The following LPXN variants were observed in gnomAD, a reference collection of about 807,000 sequenced individuals.
LPXN encodes leupaxin.
Under a neutral mutation model 45.6 loss-of-function variants are expected in LPXN, and 28 were observed. The observed-to-expected ratio is 0.61, with a 90% CI of 0.45 to 0.84. The LOEUF is 0.84. Among genes scored for constraint, LPXN ranks in the 40% least tolerant of loss-of-function variants. The pLI is 0.00. For missense variants in LPXN, 459 were observed against 475.0 expected (o/e 0.97, Z 0.31); for synonymous variants, 166 against 169.9 (o/e 0.98, Z 0.18).
Position 58,530,691 on chromosome 11 carries a change from T to C in LPXN, c.743-2500A>G, listed in dbSNP as rs192550053. Among the ~76,000 whole-genome samples the C allele has an allele frequency of 4.8e-3, 738 of 152,244 alleles. 26 individuals carry two copies. The highest frequency in any genetic ancestry group is 1.0e-3 in the Non-Finnish European group (68 of 68,010). ...GAGCAGTGGATCTCCCAGCACAGGG[T>C]TCGAGCTCTGCTAAGGGTCAGACTG... On this transcript the variant is annotated intron_variant, in intron 7 of 8. Coordinates refer to ENST00000395074, the MANE Select transcript of LPXN (RefSeq NM_004811.3).
At chr11:58,540,089 G>A (rs925420642) in intron 7 of LPXN, among the ~76,000 whole-genome samples, 2 of 151,962 alleles carry the variant, frequency 1.3e-5, no homozygotes, top group East Asian at 1.9e-4. Flanking sequence ...CCAGACCCCC[G>A]AAAACTGAAC....
At chr11:58,543,263 G>T (rs1853783206) in intron 7 of LPXN, among the ~76,000 whole-genome samples, 1 of 152,078 alleles carries the variant, frequency 6.6e-6, no homozygotes, top group Admixed American at 6.6e-5. Context: ...TATAGTAGTT[G>T]CTCAATAAAT....
chr11:58,575,880 T>G, upstream of LPXN: 1 of 1,598,762 alleles, frequency 6.3e-7, no homozygotes, highest in Non-Finnish European at 8.5e-7. Context: ...TAAGGCAGCC[T>G]CTATAAACCT....
intron 3 of LPXN, among the ~76,000 whole-genome samples, chr11:58,558,462 A>G (rs1253142144): frequency 6.9e-6 from 1 of 145,060 alleles, no homozygotes; most frequent in Non-Finnish European, 1.5e-5. Context: ...ACTTTGGCCC[A>G]GGAGGCCAAG....
intron 1 of LPXN, 70 bp downstream of exon 1, chr11:58,575,690 C>A: frequency 1.3e-6 from 2 of 1,552,354 alleles, no homozygotes; most frequent in East Asian, 2.2e-5. Flanking sequence ...CAGAAGTATA[C>A]CCCACCACAC....
intron 3 of LPXN, among the ~76,000 whole-genome samples, chr11:58,558,997 G>A (rs1420586418): frequency 6.6e-6 from 1 of 151,594 alleles, no homozygotes; most frequent in Non-Finnish European, 1.5e-5. Context: ...TTAAAGAAAT[G>A]TATAAATAAT....
rs1160511909 is a variant in LPXN, at chr11:58,573,656, C to T, written c.13+2104G>A. Among the ~76,000 whole-genome samples the T allele has an allele frequency of 2.0e-5, 3 of 151,972 alleles. No homozygotes were observed. In the East Asian group the frequency reaches 5.8e-4, roughly 29 times the overall value. On this transcript the variant is annotated intron_variant, in intron 1 of 8. Coordinates refer to ENST00000395074, the MANE Select transcript of LPXN (RefSeq NM_004811.3). Reference sequence around the variant, plus strand: ...CACCAACACTGTGAGGTTATTATGCCTTTTGCCAGATTTTGTAATTTGAAG... The same window carrying T: ...CACCAACACTGTGAGGTTATTATGCTTTTTGCCAGATTTTGTAATTTGAAG...
chr11:58,543,686 T>C (rs1191500897), intron 7 of LPXN, among the ~76,000 whole-genome samples: 1 of 151,442 alleles, frequency 6.6e-6, no homozygotes, highest in Non-Finnish European at 1.5e-5. Flanking sequence ...TTCAATGTTA[T>C]ACCTCTAACT....
chr11:58,572,706 TAC>T (rs1235512044), intron 1 of LPXN, among the ~76,000 whole-genome samples: 1 of 152,144 alleles, frequency 6.6e-6, no homozygotes, highest in Non-Finnish European at 1.5e-5. Context: ...GCAATGGCAT[TAC>T]AGTTATATGT....
At chr11:58,557,967 A>G (rs1854258324) in intron 3 of LPXN, among the ~76,000 whole-genome samples, 1 of 152,148 alleles carries the variant, frequency 6.6e-6, no homozygotes, top group Non-Finnish European at 1.5e-5. Flanking sequence ...CTAATTAATA[A>G]GATGATGTTA....
intron 1 of LPXN, among the ~76,000 whole-genome samples, chr11:58,570,941 G>T (rs1854676687): frequency 6.6e-6 from 1 of 152,110 alleles, no homozygotes; most frequent in African/African-American, 2.4e-5. Flanking sequence ...TTCTATGGTT[G>T]CATTCAATTT....
chr11:58,561,710 C>A (rs924557877), intron 3 of LPXN, among the ~76,000 whole-genome samples: 12 of 152,196 alleles, frequency 7.9e-5, no homozygotes, highest in African/African-American at 2.4e-4. Flanking sequence ...AAAAACCTTC[C>A]AATCTCACAG....
Position 58,554,955 on chromosome 11 carries a change from C to A in LPXN, c.219-15G>T. ...CTTGGGCTTCACTATAGAGGGAAAACAAAAAAGTCATATGAACAAATCAAA... is the reference window on the plus strand; with the variant it reads ...CTTGGGCTTCACTATAGAGGGAAAAAAAAAAAGTCATATGAACAAATCAAA... On this transcript the variant is annotated splice_polypyrimidine_tract_variant and intron_variant, in intron 3 of 8. Coordinates refer to ENST00000395074, the MANE Select transcript of LPXN (RefSeq NM_004811.3). 1 of 1,536,540 alleles carries A rather than the reference C, an allele frequency of 6.5e-7. No homozygotes were observed. The highest frequency in any genetic ancestry group is 1.1e-5 in the South Asian group (1 of 89,178).
intron 2 of LPXN, among the ~76,000 whole-genome samples, chr11:58,565,179 G>A (rs148374806): frequency 0.027 from 4,063 of 152,062 alleles, 183 homozygotes; most frequent in African/African-American, 0.093. Context: ...GCTCATGCCC[G>A]TAATCCCAGT....
At chr11:58,540,235 A>G (rs1306629319) in intron 7 of LPXN, among the ~76,000 whole-genome samples, 3 of 152,184 alleles carry the variant, frequency 2.0e-5, no homozygotes, top group African/African-American at 7.2e-5. Flanking sequence ...TATGGGATAT[A>G]GGTTCTGGAT....
upstream of LPXN, among the ~76,000 whole-genome samples, chr11:58,576,173 TTTTTC>T (rs1177058540): frequency 1.3e-5 from 2 of 151,272 alleles, no homozygotes; most frequent in East Asian, 1.9e-4. Flanking sequence ...GCATCTTTCT[TTTTTC>T]TTTTTTTTTT....
chr11:58,566,670 G>A (rs112541996), intron 2 of LPXN, among the ~76,000 whole-genome samples: 2,265 of 152,128 alleles, frequency 0.015, 50 homozygotes, highest in African/African-American at 0.051. Context: ...CTCCTTCTTC[G>A]CTTTTGTAGG....
chr11:58,543,532 T>C (rs1217552454), intron 7 of LPXN, among the ~76,000 whole-genome samples: 1 of 152,200 alleles, frequency 6.6e-6, no homozygotes, highest in Non-Finnish European at 1.5e-5. Flanking sequence ...AGTACTAAAT[T>C]AAAATGAGAT....
At chr11:58,575,989 T>C (rs373476144), upstream of LPXN, 31 of 1,364,574 alleles carry the variant, frequency 2.3e-5, no homozygotes, top group African/African-American at 2.8e-4. Context: ...GTGACTGACA[T>C]AGAAAGGTAG....
Sources: gnomAD v4.1 joint callset for allele counts (sites outside exome capture counted in the v4.1 genomes callset) on GRCh38, gnomAD v4.1.1 for gene constraint, MANE v1.5 for transcripts, NCBI Gene and HGNC (gene_info 2026-07-23, HGNC 2026-07-21) for gene names.